The following SIPA1L1 variants were observed in gnomAD, a reference collection of about 807,000 sequenced individuals.
SIPA1L1 encodes the protein signal induced proliferation associated 1 like 1, also known as signal-induced proliferation-associated 1-like protein 1.
SIPA1L1 carries 26 observed loss-of-function variants against 162.7 expected under a neutral mutation model. The ratio of observed to expected loss-of-function variants is 0.16; its 90% CI spans 0.12 to 0.22. SIPA1L1 has a LOEUF of 0.22. Ranked by LOEUF, SIPA1L1 falls within the 10% of genes least tolerant of loss-of-function variation. SIPA1L1 has a pLI of 1.00. For synonymous variants in SIPA1L1, 829 were observed against 837.4 expected, an observed-to-expected ratio of 0.99 and a Z score of 0.17; for missense variants, 1,874 against 2,241.0, an observed-to-expected ratio of 0.84 and a Z score of 3.31.
chr14:71,716,721 C>T (rs965925018), intron 17 of SIPA1L1, among the ~76,000 whole-genome samples: 4 of 152,180 alleles, frequency 2.6e-5, no homozygotes, highest in South Asian at 4.1e-4. Context: ...AAGCAGCACC[C>T]GCTGAGAGTA....
intron 8 of SIPA1L1, among the ~76,000 whole-genome samples, chr14:71,657,829 T>C (rs2043192860): frequency 6.6e-6 from 1 of 152,154 alleles, no homozygotes. Flanking sequence ...CAAGTTGAAA[T>C]TTAGCATTTC....
At chr14:71,502,255 A>AAATATAT (rs67020418) in intron 2 of SIPA1L1, among the ~76,000 whole-genome samples, 7 of 97,552 alleles carry the variant, frequency 7.2e-5, no homozygotes, top group Non-Finnish European at 1.2e-4. Flanking sequence ...AAAAAAAAAA[A>AAATATAT]ATATATATAT....
chr14:71,609,023 A>T (rs953983767), intron 5 of SIPA1L1, among the ~76,000 whole-genome samples: 2 of 152,248 alleles, frequency 1.3e-5, no homozygotes, highest in African/African-American at 4.8e-5. Flanking sequence ...TTTCTGCCCC[A>T]TCAGTCTTAA....
rs2043235788 is a variant in SIPA1L1, at chr14:71,658,316, A to T, written c.1994-17A>T. On this transcript the variant is annotated splice_polypyrimidine_tract_variant and intron_variant, in intron 8 of 23. Transcript: ENST00000381232. ...CCTGTTATAGTCATCTCATCATTAT[A>T]TTTTTTTTAACTGTAGCTGACTCCA... 1 of 1,280,472 alleles carries T rather than the reference A, an allele frequency of 7.8e-7. No homozygotes were observed. The highest frequency in any genetic ancestry group is 1.8e-4 in the Middle Eastern group (1 of 5,430). 79.3% of individuals were successfully genotyped at this position (1,280,472 alleles called of 1,614,324 possible).
intron 2 of SIPA1L1, among the ~76,000 whole-genome samples, chr14:71,387,672 C>A (rs1372914774): frequency 6.6e-6 from 1 of 152,134 alleles, no homozygotes; most frequent in Non-Finnish European, 1.5e-5. Context: ...TCTAGATAAC[C>A]ATTTCACCTC....
chr14:71,674,385 G>A (rs904482466), intron 12 of SIPA1L1, among the ~76,000 whole-genome samples: 1 of 152,078 alleles, frequency 6.6e-6, no homozygotes, highest in Non-Finnish European at 1.5e-5. Flanking sequence ...AGCCATGATA[G>A]GAGGAATACT....
rs989191371 is a variant in SIPA1L1 at position 71,389,739 on chromosome 14, G to C, written c.-465+68558G>C. Among the ~76,000 whole-genome samples, 4 of 152,130 alleles carry C rather than the reference G, an allele frequency of 2.6e-5. No individual in the cohort carries two copies. In the East Asian group the frequency reaches 7.7e-4, roughly 29 times the overall value. ...TTGGACTAAAGTGTGTAGTAATGTA[G>C]GTAATGGGTCTTTGTGTTCCTCACA... On this transcript the variant is annotated intron_variant, in intron 2 of 23. Coordinates refer to ENST00000381232, the MANE Select transcript of SIPA1L1 (RefSeq NM_001386936.1).
chr14:71,589,566 A>G (rs554030696), intron 5 of SIPA1L1, among the ~76,000 whole-genome samples, 196 bp downstream of exon 5: 2 of 152,314 alleles, frequency 1.3e-5, no homozygotes, highest in East Asian at 1.9e-4. Context: ...CCTTTCAGAT[A>G]TATAAATGTC....
chr14:71,697,823 G>A (rs2081764413), intron 13 of SIPA1L1, among the ~76,000 whole-genome samples: 1 of 152,176 alleles, frequency 6.6e-6, no homozygotes, highest in South Asian at 2.1e-4. Flanking sequence ...GCCTCTGCCA[G>A]TGAAGCAGCT....
intron 4 of SIPA1L1, among the ~76,000 whole-genome samples, chr14:71,564,366 CTT>C (rs970883769): frequency 5.4e-5 from 7 of 129,024 alleles, no homozygotes; most frequent in Admixed American, 7.7e-5. Context: ...TCTTTTTCTT[CTT>C]TTTTTTTTTT....
At chr14:71,553,304 A>G (rs1361578141) in intron 4 of SIPA1L1, among the ~76,000 whole-genome samples, 1 of 152,166 alleles carries the variant, frequency 6.6e-6, no homozygotes, top group African/African-American at 2.4e-5. Context: ...TCCACAGTAC[A>G]CTTTGTGTTA....
rs986389395 is a variant in SIPA1L1 at position 71,695,488 on chromosome 14, G to A, written c.3375-3493G>A. On this transcript the variant is annotated intron_variant, in intron 13 of 23. Coordinates refer to ENST00000381232, the MANE Select transcript of SIPA1L1 (RefSeq NM_001386936.1). ...CCTGCGATATCTTAGCTTAATATAC[G>A]TTTGGAGAGCAGGGTAAGAAAAGCA... 3.3e-5 allele frequency among the ~76,000 whole-genome samples: 5 copies of A among 152,216 alleles called. No homozygotes were observed. In the East Asian group the frequency reaches 7.7e-4, roughly 23 times the overall value.
At chr14:71,700,983 A>G (rs948999263) in intron 14 of SIPA1L1, among the ~76,000 whole-genome samples, 4 of 107,874 alleles carry the variant, frequency 3.7e-5, no homozygotes, top group Non-Finnish European at 1.7e-5. Flanking sequence ...GGACAGAGCA[A>G]GACTCCGTCT....
At chr14:71,717,193 C>T (rs949579016) in intron 17 of SIPA1L1, among the ~76,000 whole-genome samples, 2 of 152,158 alleles carry the variant, frequency 1.3e-5, no homozygotes, top group African/African-American at 2.4e-5. Flanking sequence ...CCACTGCGCC[C>T]GACCTCTTTT....
At position 71,588,260 on chromosome 14, in the gene SIPA1L1, G is replaced by T; in HGVS notation, c.388G>T (p.Ala130Ser). 1 of 1,614,126 alleles carries T rather than the reference G, an allele frequency of 6.2e-7. No homozygotes were observed. Among genetic ancestry groups the T allele is most frequent in the South Asian group, 1.1e-5 (1 of 91,082 alleles). Residue 130 changes from alanine to serine, a missense_variant, in exon 5 of 24, where the codon GCC (alanine) becomes TCC (serine). Transcript: ENST00000381232. The surrounding 1 kb of genome is among the most constrained non-coding windows in gnomAD (Gnocchi z 4.3). ...SSVSLNSNDS[A>S]MLKSIQNTLK... ...TGTTAGCCTCAATTCCAATGACTCA[G>T]CCATGCTGAAAAGCATACAGAACAC... is the stretch of plus-strand genomic sequence containing the variant.
chr14:71,328,374 A>C (rs1480070120), intron 2 of SIPA1L1, among the ~76,000 whole-genome samples: 3 of 152,190 alleles, frequency 2.0e-5, no homozygotes, highest in African/African-American at 7.2e-5. Flanking sequence ...GTAGAGAATC[A>C]CATGAACCTT....
At chr14:71,490,807 A>G (rs2049181348) in intron 2 of SIPA1L1, among the ~76,000 whole-genome samples, 1 of 152,264 alleles carries the variant, frequency 6.6e-6, no homozygotes, top group Non-Finnish European at 1.5e-5. Context: ...TTTCATAATA[A>G]CATAAATGCT....
intron 5 of SIPA1L1, among the ~76,000 whole-genome samples, chr14:71,591,740 C>G (rs2035426621): frequency 6.6e-6 from 1 of 152,102 alleles, no homozygotes; most frequent in South Asian, 2.1e-4. Flanking sequence ...CTTTTAAATT[C>G]TTAATTGTGT....
intron 2 of SIPA1L1, among the ~76,000 whole-genome samples, chr14:71,495,604 T>C (rs957666883): frequency 2.0e-5 from 3 of 151,782 alleles, no homozygotes; most frequent in African/African-American, 7.2e-5. Context: ...TTATTGACTT[T>C]TACTGTTTTT....
Sources: gnomAD v4.1 joint callset for allele counts (sites outside exome capture counted in the v4.1 genomes callset) on GRCh38, gnomAD v4.1.1 for gene constraint, Gnocchi (gnomAD v3.1) non-coding constraint, MANE v1.5 for transcripts, NCBI Gene and HGNC (gene_info 2026-07-23, HGNC 2026-07-21) for gene names.